The following ZNF516 variants were observed in gnomAD, a reference collection of about 807,000 sequenced individuals.
The protein encoded by ZNF516 is zinc finger protein 516.
ZNF516 carries 19 observed loss-of-function variants against 79.7 expected under a neutral mutation model. The observed-to-expected ratio is 0.24, with a 90% CI of 0.17 to 0.35. The LOEUF (loss-of-function observed/expected upper bound fraction) is 0.35, where lower values mean the gene tolerates loss of function less well. Ranked by LOEUF, ZNF516 falls within the 10% of genes least tolerant of loss-of-function variation. The probability of loss-of-function intolerance (pLI) is 1.00; values close to 1 mark genes in which losing one functional copy is unlikely to be tolerated. For synonymous variants in ZNF516, 877 were observed against 739.5 expected (o/e 1.19, Z -3.02); for missense variants, 1,678 against 1,679.5 (o/e 1.00, Z 0.02).
At chr18:76,411,452 T>C (rs1478835221) in intron 3 of ZNF516, among the ~76,000 whole-genome samples, 2 of 152,262 alleles carry the variant, frequency 1.3e-5, no homozygotes, top group Non-Finnish European at 2.9e-5. Context: ...CAGGTAATTC[T>C]AAGGTTGGAT....
intron 1 of ZNF516, among the ~76,000 whole-genome samples, chr18:76,482,575 G>A (rs1295236938): frequency 6.6e-6 from 1 of 152,210 alleles, no homozygotes; most frequent in Non-Finnish European, 1.5e-5. Flanking sequence ...GGTAGGTGAG[G>A]CTATGTTACC....
intron 6 of ZNF516, among the ~76,000 whole-genome samples, chr18:76,366,827 A>G (rs1319580349): frequency 1.3e-5 from 2 of 152,228 alleles, no homozygotes; most frequent in East Asian, 3.8e-4. Context: ...CACCATTATC[A>G]TTATTTTACA....
At chr18:76,425,563 G>A (rs17059354) in intron 3 of ZNF516, among the ~76,000 whole-genome samples, 3,137 of 152,256 alleles carry the variant, frequency 0.021, 48 homozygotes, top group Middle Eastern at 0.044. Context: ...CCACTGACAG[G>A]GCTAAACATT....
chr18:76,375,470 C>A (rs184802508), intron 4 of ZNF516, among the ~76,000 whole-genome samples: 17 of 151,968 alleles, frequency 1.1e-4, no homozygotes, highest in Non-Finnish European at 2.2e-4. Context: ...TCCCGGAGAC[C>A]AGGTAGAGGA....
At chr18:76,466,289 G>A (rs1215069276) in intron 1 of ZNF516, among the ~76,000 whole-genome samples, 1 of 152,202 alleles carries the variant, frequency 6.6e-6, no homozygotes, top group Non-Finnish European at 1.5e-5. Flanking sequence ...AGGCAGGCAG[G>A]GGCACAGGGA....
In ZNF516 at chr18:76,360,092, G is replaced by GCCTGCTCT. The variant is rs2074508497; in HGVS notation, c.*2398_*2405dup. ...GCCCCGCAAGCTGACTGTCCTCCAC[G>GCCTGCTCT]CCTGCTCTCCTGCAAGCCAGGAAGG... On this transcript the variant is annotated 3_prime_UTR_variant, in exon 7 of 7. Coordinates refer to ENST00000443185, the MANE Select transcript of ZNF516 (RefSeq NM_014643.4). The GCCTGCTCT allele has an allele frequency of 6.6e-6, 1 of 152,302 alleles. No individual in the cohort carries two copies. The highest frequency in any genetic ancestry group is 1.5e-5 in the Non-Finnish European group (1 of 68,198). The allele number at this position is 152,302 out of a possible 1,614,324, so 9.4% of individuals were successfully genotyped here.
chr18:76,485,485 G>A (rs1473859082), intron 1 of ZNF516, among the ~76,000 whole-genome samples: 8 of 152,208 alleles, frequency 5.3e-5, no homozygotes, highest in Non-Finnish European at 8.8e-5. Context: ...GGGGACACAC[G>A]TGTGGATGAA....
At chr18:76,434,007 A>G (rs1695081768) in intron 3 of ZNF516, among the ~76,000 whole-genome samples, 1 of 151,446 alleles carries the variant, frequency 6.6e-6, no homozygotes, top group Admixed American at 6.6e-5. Context: ...AGCCCTCGGC[A>G]ACGCCTTACC....
chr18:76,389,610 G>A (rs894264713), intron 3 of ZNF516, among the ~76,000 whole-genome samples: 1 of 152,140 alleles, frequency 6.6e-6, no homozygotes, highest in African/African-American at 2.4e-5. Context: ...CTAGACAGGA[G>A]TAATTCATTT....
intron 3 of ZNF516, among the ~76,000 whole-genome samples, chr18:76,395,936 G>C (rs1031133188): frequency 6.6e-6 from 1 of 152,204 alleles, no homozygotes; most frequent in South Asian, 2.1e-4. Context: ...GCGCAAAGCT[G>C]CAAGTGAAAG....
intron 3 of ZNF516, among the ~76,000 whole-genome samples, chr18:76,403,497 A>T (rs907922774): frequency 6.6e-6 from 1 of 152,136 alleles, no homozygotes; most frequent in Admixed American, 6.5e-5. Flanking sequence ...CTCACAAGAG[A>T]ATCGCAGTGT....
At chr18:76,371,612 G>A in intron 4 of ZNF516, 41 bp from the exon 5 acceptor site, 1 of 1,564,424 alleles carries the variant, frequency 6.4e-7, no homozygotes, top group Non-Finnish European at 8.7e-7. Flanking sequence ...GCCGTGGTGG[G>A]GTTGGCGTGG....
chr18:76,414,562 C>T (rs563473499), intron 3 of ZNF516, among the ~76,000 whole-genome samples: 1 of 152,214 alleles, frequency 6.6e-6, no homozygotes. Context: ...CTACATACTA[C>T]TGTCGATCAA....
Position 76,379,951 on chromosome 18 carries a change from T to C in ZNF516, c.2163A>G (p.Gly721=), listed in dbSNP as rs769753443. Residue 721 remains glycine (G), a synonymous_variant, in exon 4 of 7, where the codon GGA becomes GGG. Coordinates refer to ENST00000443185, the MANE Select transcript of ZNF516 (RefSeq NM_014643.4). ...GGTCTGGGGCCAGCGCCCGCTTCCC[T>C]CCCCCAGAGTGTTCCTTGTTGTGCA... ...SDLHNKEHSG[G]GKRALAPDLM... 6.2e-7 allele frequency: 1 copy of C among 1,613,908 alleles called. No individual in the cohort carries two copies. Among genetic ancestry groups the C allele is most frequent in the Non-Finnish European group, 8.5e-7 (1 of 1,179,886 alleles).
chr18:76,491,080 A>T (rs1915157023), intron 1 of ZNF516: 1 of 985,198 alleles, frequency 1.0e-6, no homozygotes, highest in Admixed American at 6.2e-5. Context: ...CACTTATGTA[A>T]TCGTCCTCGG....
At chr18:76,484,671 G>A (rs1036371362) in intron 1 of ZNF516, among the ~76,000 whole-genome samples, 2 of 152,152 alleles carry the variant, frequency 1.3e-5, no homozygotes, top group East Asian at 3.8e-4. Flanking sequence ...CCCCCTTAAT[G>A]TTCACAGCTA....
intron 1 of ZNF516, among the ~76,000 whole-genome samples, chr18:76,482,209 TCA>T (rs950771653): frequency 6.6e-6 from 1 of 152,210 alleles, no homozygotes; most frequent in African/African-American, 2.4e-5. Context: ...GCCAGAAAGC[TCA>T]CATCCTAAGT....
At chr18:76,431,246 C>G (rs564689275) in intron 3 of ZNF516, among the ~76,000 whole-genome samples, 1 of 150,648 alleles carries the variant, frequency 6.6e-6, no homozygotes, top group Non-Finnish European at 1.5e-5. Context: ...GTGCCAGAGA[C>G]GAGGACACAC....
At chr18:76,460,285 C>G (rs987341257) in intron 2 of ZNF516, among the ~76,000 whole-genome samples, 1 of 152,176 alleles carries the variant, frequency 6.6e-6, no homozygotes, top group African/African-American at 2.4e-5. Flanking sequence ...GACGAGGACG[C>G]TGAGGGTCAA....
Sources: allele counts gnomAD v4.1 joint callset (sites outside exome capture counted in the v4.1 genomes callset), GRCh38; gene constraint gnomAD v4.1.1; transcripts MANE v1.5; gene names NCBI Gene and HGNC (gene_info 2026-07-23, HGNC 2026-07-21).